Variants in SPAG4 observed in about 807,000 individuals in gnomAD.
SPAG4 encodes sperm associated antigen 4.
In SPAG4, 54 loss-of-function variants were observed where a neutral mutation model predicts 53.9. The observed-to-expected ratio is 1.00, with a 90% confidence interval of 0.80 to 1.26. The LOEUF (loss-of-function observed/expected upper bound fraction) is 1.26, where lower values mean the gene tolerates loss of function less well. Ranked by LOEUF, SPAG4 falls within the 50% of genes most tolerant of loss-of-function variation. The pLI is 0.00. For missense variants in SPAG4, 548 were observed against 568.6 expected, an observed-to-expected ratio of 0.96 and a Z score of 0.37; for synonymous variants, 246 against 237.4, an observed-to-expected ratio of 1.04 and a Z score of -0.33.
At position 35,619,566 on chromosome 20, in the gene SPAG4, C is replaced by T. The variant is rs551261318; in HGVS notation, c.910-13C>T. 6.2e-7 allele frequency: 1 copy of T among 1,609,130 alleles called. No individual in the cohort carries two copies. Among genetic ancestry groups the T allele is most frequent in the Admixed American group, 1.7e-5 (1 of 59,892 alleles). On this transcript the variant is annotated splice_polypyrimidine_tract_variant and intron_variant, in intron 9 of 11. Transcript: ENST00000374273. ...TGTCCGACGGTTCCGATGGTCCCTCCGCCCGCCTGCAGCCCCACGTGTTCC... is the reference window on the plus strand; with the variant it reads ...TGTCCGACGGTTCCGATGGTCCCTCTGCCCGCCTGCAGCCCCACGTGTTCC...
chr20:35,619,459 G>A, intron 9 of SPAG4, 120 bp from the exon 10 acceptor site: 2 of 1,427,930 alleles, frequency 1.4e-6, no homozygotes, highest in South Asian at 1.2e-5. Flanking sequence ...TGGGGACTGG[G>A]GCGGGCTGGA....
Position 35,618,675 on chromosome 20 carries a change from T to A in SPAG4, c.672T>A (p.Asp224Glu). 1 of 1,594,822 alleles carries A rather than the reference T, an allele frequency of 6.3e-7. No homozygotes were observed. Among genetic ancestry groups the A allele is most frequent in the Non-Finnish European group, 8.5e-7 (1 of 1,170,534 alleles). ...QQLQQLQAEL[D>E]KLHKEVSTVR... Reference sequence around the variant, plus strand: ...TGCAGCAGCTCCAGGCCGAGCTGGATAAACTCCACAAGGAGGTGTCCACTG... The same window carrying A: ...TGCAGCAGCTCCAGGCCGAGCTGGAAAAACTCCACAAGGAGGTGTCCACTG... Residue 224 changes from aspartate (D) to glutamate (E), a missense_variant, in exon 7 of 12, where the codon GAT (aspartate) becomes GAA (glutamate). Coordinates refer to ENST00000374273, the MANE Select transcript of SPAG4 (RefSeq NM_003116.3).
intron 1 of SPAG4, chr20:35,616,916 C>A (rs2031404877): frequency 3.5e-6 from 2 of 565,348 alleles, no homozygotes; most frequent in Non-Finnish European, 6.3e-6. Flanking sequence ...AGGCGTGAGC[C>A]ACCGCGCCCG....
chr20:35,617,942 C>T (rs1000461465), intron 4 of SPAG4, 102 bp downstream of exon 4: 15 of 1,377,138 alleles, frequency 1.1e-5, no homozygotes, highest in Admixed American at 1.7e-5. Flanking sequence ...CCTGGCATTC[C>T]CCTGCAGAAC....
chr20:35,619,138 CG>C (rs1322215876), intron 8 of SPAG4, 56 bp from the exon 9 acceptor site: 24 of 1,374,504 alleles, frequency 1.7e-5, no homozygotes, highest in Middle Eastern at 2.2e-4. Flanking sequence ...CGCGCCCCCG[CG>C]CCCCGACTCC....
At position 35,616,930 on chromosome 20, in the gene SPAG4, A is replaced by G. The variant is rs971851152; in HGVS notation, c.305-206A>G. 9 of 566,196 alleles carry G rather than the reference A, an allele frequency of 1.6e-5. No homozygotes were observed. In the Admixed American group the frequency reaches 2.2e-4, roughly 14 times the overall value. The allele number at this position is 566,196 out of a possible 1,614,324, so 35.1% of individuals were successfully genotyped here. A position where few individuals can be genotyped will look rare whatever the true frequency, so the allele number is the denominator to read the frequency against. ...CAGGCGTGAGCCACCGCGCCCGGCCAGGAGACCAACTCTTGACGGAGCCTC... is the reference window on the plus strand; with the variant it reads ...CAGGCGTGAGCCACCGCGCCCGGCCGGGAGACCAACTCTTGACGGAGCCTC... On this transcript the variant is annotated intron_variant, in intron 1 of 11. Transcript: ENST00000374273.
chr20:35,618,747 C>A (rs1429972713), intron 7 of SPAG4, 27 bp downstream of exon 7: 6 of 1,512,442 alleles, frequency 4.0e-6, no homozygotes, highest in Non-Finnish European at 5.4e-6. Flanking sequence ...CTTGGAAACC[C>A]CTGATGGATC....
rs973660055 is a variant in SPAG4, at chr20:35,618,167, C to T, written c.582+37C>T. On this transcript the variant is annotated intron_variant, in intron 5 of 11. Coordinates refer to ENST00000374273, the MANE Select transcript of SPAG4 (RefSeq NM_003116.3). ...AGACTGTCTTGGGGTAGGGGGTTGGCAGGTTGTGAACCCGGAGATTGTGGG... is the reference window on the plus strand; with the variant it reads ...AGACTGTCTTGGGGTAGGGGGTTGGTAGGTTGTGAACCCGGAGATTGTGGG... 9 of 1,602,480 alleles carry T rather than the reference C, an allele frequency of 5.6e-6. No homozygotes were observed. The South Asian group carries it at 1.0e-4, about 18-fold the overall frequency.
At position 35,619,205 on chromosome 20, in the gene SPAG4, C is replaced by T. The variant is rs1261036864; in HGVS notation, c.804C>T (p.Ile268=). The T allele has an allele frequency of 1.9e-6, 3 of 1,612,932 alleles. No homozygotes were observed. The highest frequency in any genetic ancestry group is 2.5e-6 in the Non-Finnish European group (3 of 1,179,484). ...TTCTCACTGTTCCAGGAGCCTCCAT[C>T]GACCTGCAGAAGACATCCCACGATT... is the stretch of plus-strand genomic sequence containing the variant. The part of the protein sequence containing the change: ...DYALSSVGAS[I]DLQKTSHDYA... The change falls in exon 9 of 12, where the codon ATC becomes ATT. Residue 268 remains isoleucine, a synonymous_variant. Coordinates refer to ENST00000374273, the MANE Select transcript of SPAG4 (RefSeq NM_003116.3).
chr20:35,617,519 G>C lies in SPAG4; in HGVS notation c.410-1G>C. 1 of 1,589,880 alleles carries C rather than the reference G, an allele frequency of 6.3e-7. No individual in the cohort carries two copies. The highest frequency in any genetic ancestry group is 8.6e-7 in the Non-Finnish European group (1 of 1,167,166). ...TCTCTGACCCTCTGTCCTGGCCTCA[G>C]GCCTGCTCTTCCAGGGGCTGAGCGT... On this transcript the variant is annotated splice_acceptor_variant, in intron 2 of 11. Transcript: ENST00000374273. LOFTEE classifies it high-confidence loss of function.
Position 35,617,201 on chromosome 20 carries a change from C to G in SPAG4, c.370C>G (p.Gln124Glu). ...LDLLPTLDLR[Q>E]EMPPPRVFKS... ...CCTTCTCCCGACCCTGGATCTGAGGCAGGAGATGCCTCCCCCGCGGGTGTT... is the reference window on the plus strand; with the variant it reads ...CCTTCTCCCGACCCTGGATCTGAGGGAGGAGATGCCTCCCCCGCGGGTGTT... The change falls in exon 2 of 12, where the codon CAG becomes GAG. Residue 124 changes from glutamine to glutamate, a missense_variant. Gln to Glu is a conservative substitution (Grantham distance 29). Coordinates refer to ENST00000374273, the MANE Select transcript of SPAG4 (RefSeq NM_003116.3). The G allele has an allele frequency of 6.2e-7, 1 of 1,602,666 alleles. No homozygotes were observed. The highest frequency in any genetic ancestry group is 8.5e-7 in the Non-Finnish European group (1 of 1,174,810).
chr20:35,618,708 A>C lies in SPAG4; in HGVS notation c.705A>C (p.Ala235=), dbSNP rs752379506. The C allele has an allele frequency of 1.1e-5, 18 of 1,584,114 alleles. No homozygotes were observed. Among genetic ancestry groups the C allele is most frequent in the Non-Finnish European group, 1.5e-5 (18 of 1,164,540 alleles). ...KLHKEVSTVR[A]ANSERVAKLV... ...ACAAGGAGGTGTCCACTGTTCGGGC[A>C]GCCAACAGCGAGGTGAGCCCCGGCC... is the stretch of plus-strand genomic sequence containing the variant. Residue 235 remains alanine (A), a synonymous_variant, in exon 7 of 12, where the codon GCA becomes GCC. Coordinates refer to ENST00000374273, the MANE Select transcript of SPAG4 (RefSeq NM_003116.3).
rs1224409753 is a variant in SPAG4, at chr20:35,619,732, G to A, written c.1063G>A (p.Asp355Asn). Reference protein sequence around the residue: ...HTGGANSAPRDFAVFGLQVYD... With the variant: ...HTGGANSAPRNFAVFGLQVYD... ...CGGAGGAGCCAACAGCGCCCCCCGC[G>A]ATTTCGCGGTCTTTGTGAGTGCGGA... The change falls in exon 10 of 12, where the codon GAT becomes AAT. Residue 355 changes from aspartate (D) to asparagine (N), a missense_variant. By Grantham distance (23) the Asp-to-Asn change is conservative. Coordinates refer to ENST00000374273, the MANE Select transcript of SPAG4 (RefSeq NM_003116.3). 1 of 1,610,084 alleles carries A rather than the reference G, an allele frequency of 6.2e-7. No individual in the cohort carries two copies. The highest frequency in any genetic ancestry group is 1.3e-5 in the African/African-American group (1 of 74,880).
intron 2 of SPAG4, 98 bp downstream of exon 2, chr20:35,617,338 C>A: frequency 1.0e-6 from 1 of 987,160 alleles, no homozygotes; most frequent in Non-Finnish European, 1.6e-6. Context: ...GAGTATCGAG[C>A]CCCTCTCCGA....
At chr20:35,620,621 T>TCCCCCCCCCCC in intron 10 of SPAG4, 63 bp from the exon 11 acceptor site, 1 of 510,084 alleles carries the variant, frequency 2.0e-6, no homozygotes, top group South Asian at 1.6e-5. Context: ...AGTTTTCTTC[T>TCCCCCCCCCCC]CCCCGCCCCC....
intron 8 of SPAG4, 67 bp from the exon 9 acceptor site, chr20:35,619,128 C>CCCCCCCCCCCCCCCCCCCCCA: frequency 8.0e-7 from 1 of 1,243,640 alleles, no homozygotes. Flanking sequence ...CCCCAGCCCC[C>CCCCCCCCCCCCCCCCCCCCCA]GCGCCCCCGC....
Position 35,619,275 on chromosome 20 carries a change from T to G in SPAG4, c.874T>G (p.Trp292Gly), listed in dbSNP as rs762665303. 1 of 1,614,092 alleles carries G rather than the reference T, an allele frequency of 6.2e-7. No homozygotes were observed. The highest frequency in any genetic ancestry group is 1.3e-5 in the African/African-American group (1 of 75,026). The part of the protein sequence containing the change: ...TAYFWNRFSF[W>G]NYARPPTVIL... ...CTACTTCTGGAATCGCTTCAGCTTC[T>G]GGAACTACGCACGGCCGCCCACGGT... Residue 292 changes from tryptophan (W) to glycine (G), a missense_variant, in exon 9 of 12, where the codon TGG (tryptophan) becomes GGG (glycine). Coordinates refer to ENST00000374273, the MANE Select transcript of SPAG4 (RefSeq NM_003116.3).
Position 35,616,297 on chromosome 20 carries a change from C to T in SPAG4, c.294C>T (p.Gly98=). Reference sequence around the variant, plus strand: ...CCTGTGGCGCGGCAACCGTGAGGGGCGGGGCCTCGGGTGCGGGCGGGGTCG... The same window carrying T: ...CCTGTGGCGCGGCAACCGTGAGGGGTGGGGCCTCGGGTGCGGGCGGGGTCG... ...QTACGAATVR[G]GASEPTGSPV... is the part of the protein sequence containing the mutation. Residue 98 remains glycine (G), a synonymous_variant, in exon 1 of 12, where the codon GGC becomes GGT. Coordinates refer to ENST00000374273, the MANE Select transcript of SPAG4 (RefSeq NM_003116.3). 1.8e-6 allele frequency: 2 copies of T among 1,125,824 alleles called. No individual in the cohort carries two copies. The highest frequency in any genetic ancestry group is 1.7e-5 in the African/African-American group (1 of 57,178). 69.7% of individuals were successfully genotyped at this position (1,125,824 alleles called of 1,614,324 possible).
At chr20:35,619,896 C>A in intron 10 of SPAG4, 150 bp downstream of exon 10, 1 of 780,900 alleles carries the variant, frequency 1.3e-6, no homozygotes, top group Non-Finnish European at 2.0e-6. Flanking sequence ...AGGTTATAGT[C>A]ATAACCATAT....
Sources: gnomAD v4.1 joint callset for allele counts on GRCh38, gnomAD v4.1.1 for gene constraint, MANE v1.5 for transcripts, NCBI Gene and HGNC (gene_info 2026-07-23, HGNC 2026-07-21) for gene names.